ICAM1: variants seen among roughly 807,000 people sequenced by gnomAD.
ICAM1 encodes intercellular adhesion molecule 1.
In ICAM1, 28 loss-of-function variants were observed where a neutral mutation model predicts 42.3. The observed-to-expected ratio is 0.66, with a 90% CI of 0.49 to 0.91. The LOEUF (loss-of-function observed/expected upper bound fraction) is 0.91. ICAM1 is among the 40% of genes least tolerant of loss of function. The pLI is 0.00. For missense variants in ICAM1, 637 were observed against 688.6 expected, an observed-to-expected ratio of 0.93 and a Z score of 0.84; for synonymous variants, 304 against 305.9, an observed-to-expected ratio of 0.99 and a Z score of 0.07.
chr19:10,276,425 G>A (rs957130524), intron 2 of ICAM1, among the ~76,000 whole-genome samples: 90 of 151,012 alleles, frequency 6.0e-4, no homozygotes, highest in Middle Eastern at 3.5e-3. Context: ...GGCGCCTGTG[G>A]TCCCAGCTAC....
At chr19:10,280,686 C>T (rs979261774) in intron 2 of ICAM1, among the ~76,000 whole-genome samples, 1 of 152,022 alleles carries the variant, frequency 6.6e-6, no homozygotes, top group African/African-American at 2.4e-5. Context: ...TCTCTTGCCT[C>T]AGCCACCTGA....
In ICAM1 at chr19:10,275,021, CGT is replaced by C; in HGVS notation, c.327_328del (p.Tyr110LeufsTer58). On this transcript the variant is annotated frameshift_variant, in exon 2 of 7. Transcript: ENST00000264832. LOFTEE classifies it high-confidence loss of function. ...GQSTAKTFLT[V>X]YWTPERVELA... ...AGTCAACAGCTAAAACCTTCCTCAC[CGT>C]GTACTGTGAGTAACTGAGCCCGGAG... is the stretch of plus-strand genomic sequence containing the variant. 4 of 1,613,514 alleles carry C rather than the reference CGT, an allele frequency of 2.5e-6. No homozygotes were observed. The highest frequency in any genetic ancestry group is 3.4e-6 in the Non-Finnish European group (4 of 1,179,994).
rs144924815 is a variant in ICAM1, at chr19:10,284,799, C to G, written c.1197C>G (p.Asp399Glu). Reference sequence around the variant, plus strand: ...TTTTTCCAGATGGCCCCCGACTGGACGAGAGGGATTGTCCGGGAAACTGGA... The same window carrying G: ...TTTTTCCAGATGGCCCCCGACTGGAGGAGAGGGATTGTCCGGGAAACTGGA... ...ELRVLYGPRL[D>E]ERDCPGNWTW... Residue 399 changes from aspartate (D) to glutamate (E), a missense_variant, in exon 6 of 7, where the codon GAC becomes GAG. Asp to Glu is a conservative substitution (Grantham distance 45, BLOSUM62 2). Coordinates refer to ENST00000264832, the MANE Select transcript of ICAM1 (RefSeq NM_000201.3). The surrounding 1 kb of genome is among the most constrained non-coding windows in gnomAD (Gnocchi z 5.4). The G allele has an allele frequency of 6.2e-7, 1 of 1,604,982 alleles. No individual in the cohort carries two copies. Among genetic ancestry groups the G allele is most frequent in the South Asian group, 1.1e-5 (1 of 90,006 alleles).
Position 10,273,263 on chromosome 19 carries a change from C to T in ICAM1, c.68-1502C>T, listed in dbSNP as rs545504750. ...ATCCCAGCACTTTGGGAGGCTGAGG[C>T]GGGCGGATTACCTGAGGTCAGGAGT... is the stretch of plus-strand genomic sequence containing the variant. On this transcript the variant is annotated intron_variant, in intron 1 of 6. Transcript: ENST00000264832. Among the ~76,000 whole-genome samples the T allele has an allele frequency of 3.3e-5, 5 of 152,086 alleles. No individual in the cohort carries two copies. In the East Asian group the frequency reaches 5.8e-4, roughly 18 times the overall value.
chr19:10,284,394 C>G lies in ICAM1; in HGVS notation c.926-9C>G. 1 of 1,612,640 alleles carries G rather than the reference C, an allele frequency of 6.2e-7. No individual in the cohort carries two copies. Reference sequence around the variant, plus strand: ...ACCCGGGGCGGGGCTCACTGTGTGCCTATTCCAGGCTTTCCGGCGCCCAAC... The same window carrying G: ...ACCCGGGGCGGGGCTCACTGTGTGCGTATTCCAGGCTTTCCGGCGCCCAAC... On this transcript the variant is annotated splice_polypyrimidine_tract_variant and intron_variant, in intron 4 of 6. Transcript: ENST00000264832. This position sits in a 1 kb window ranked among gnomAD's most constrained non-coding sequence, Gnocchi z 5.4.
chr19:10,274,594 C>T (rs1357712042), intron 1 of ICAM1, among the ~76,000 whole-genome samples, 171 bp from the exon 2 acceptor site: 1 of 152,188 alleles, frequency 6.6e-6, no homozygotes, highest in Non-Finnish European at 1.5e-5. Flanking sequence ...GGATTACAGG[C>T]GTGAGCCACC....
In ICAM1 at chr19:10,284,400, C is replaced by T. The variant is rs1363048288; in HGVS notation, c.926-3C>T. The T allele has an allele frequency of 6.2e-7, 1 of 1,612,722 alleles. No individual in the cohort carries two copies. The highest frequency in any genetic ancestry group is 1.3e-5 in the African/African-American group (1 of 74,906). On this transcript the variant is annotated splice_region_variant and splice_polypyrimidine_tract_variant and intron_variant, in intron 4 of 6. Transcript: ENST00000264832. The surrounding 1 kb of genome is among the most constrained non-coding windows in gnomAD (Gnocchi z 5.4). ...GGCGGGGCTCACTGTGTGCCTATTC[C>T]AGGCTTTCCGGCGCCCAACGTGATT...
Position 10,283,696 on chromosome 19 carries a change from A to G in ICAM1, c.547A>G (p.Asn183Asp), listed in dbSNP as rs2040079023. The change falls in exon 3 of 7, where the codon AAT (asparagine) becomes GAT (aspartate). Residue 183 changes from asparagine (N) to aspartate (D), a missense_variant. Coordinates refer to ENST00000264832, the MANE Select transcript of ICAM1 (RefSeq NM_000201.3). ...GGTGAGGAGAGATCACCATGGAGCC[A>G]ATTTCTCGTGCCGCACTGAACTGGA... ...VLVRRDHHGANFSCRTELDLR... is the reference protein window; with the variant it reads ...VLVRRDHHGADFSCRTELDLR... The G allele has an allele frequency of 6.2e-7, 1 of 1,613,972 alleles. No homozygotes were observed. The highest frequency in any genetic ancestry group is 1.1e-5 in the South Asian group (1 of 91,044).
rs770635391 is a variant in ICAM1, at chr19:10,271,190, C to G, written c.31C>G (p.Pro11Ala). Residue 11 changes from proline (P) to alanine (A), a missense_variant, in exon 1 of 7, where the codon CCC (proline) becomes GCC (alanine). Physicochemically the swap from Pro to Ala is conservative, Grantham distance 27 (BLOSUM62 -1). Coordinates refer to ENST00000264832, the MANE Select transcript of ICAM1 (RefSeq NM_000201.3). MAPSSPRPALPALLVLLGALF... is the reference protein window; with the variant it reads MAPSSPRPALAALLVLLGALF... Reference sequence around the variant, plus strand: ...TCCCAGCAGCCCCCGGCCCGCGCTGCCCGCACTCCTGGTCCTGCTCGGGGC... The same window carrying G: ...TCCCAGCAGCCCCCGGCCCGCGCTGGCCGCACTCCTGGTCCTGCTCGGGGC... The G allele has an allele frequency of 3.7e-6, 6 of 1,613,390 alleles. No individual in the cohort carries two copies. Among genetic ancestry groups the G allele is most frequent in the South Asian group, 1.1e-5 (1 of 91,020 alleles).
chr19:10,271,491 T>C (rs963280776), intron 1 of ICAM1, among the ~76,000 whole-genome samples: 2 of 151,822 alleles, frequency 1.3e-5, no homozygotes, highest in African/African-American at 4.8e-5. Context: ...CCCAGGCCGG[T>C]CTTGAACTCC....
intron 2 of ICAM1, among the ~76,000 whole-genome samples, chr19:10,282,772 G>A (rs1488196294): frequency 6.6e-6 from 1 of 151,948 alleles, no homozygotes; most frequent in African/African-American, 2.4e-5. Flanking sequence ...CAGCACTTTG[G>A]GAGGCCGGGG....
At chr19:10,273,045 G>A (rs1157830822) in intron 1 of ICAM1, among the ~76,000 whole-genome samples, 1 of 152,094 alleles carries the variant, frequency 6.6e-6, no homozygotes, top group Non-Finnish European at 1.5e-5. Flanking sequence ...CTTCTTAGGA[G>A]GGAGGAGGGC....
rs759316086 is a variant in ICAM1 at position 10,274,767 on chromosome 19, C to G, written c.70C>G (p.Pro24Ala). 2 of 1,612,206 alleles carry G rather than the reference C, an allele frequency of 1.2e-6. No individual in the cohort carries two copies. The highest frequency in any genetic ancestry group is 2.2e-5 in the East Asian group (1 of 44,806). Residue 24 changes from proline (P) to alanine (A), a missense_variant and splice_region_variant, in exon 2 of 7, where the codon CCT becomes GCT. By Grantham distance (27) the Pro-to-Ala change is conservative. Coordinates refer to ENST00000264832, the MANE Select transcript of ICAM1 (RefSeq NM_000201.3). ...LVLLGALFPG[P>A]GNAQTSVSPS... ...GCCTCTTCCCTCGTTTCTTCTAGGA[C>G]CTGGCAATGCCCAGACATCTGTGTC...
rs139290643 is a variant in ICAM1 at position 10,284,584 on chromosome 19, C to T, written c.1107C>T (p.Phe369=). The change falls in exon 5 of 7, where the codon TTC becomes TTT. Residue 369 remains phenylalanine, a synonymous_variant. Coordinates refer to ENST00000264832, the MANE Select transcript of ICAM1 (RefSeq NM_000201.3). This position sits in a 1 kb window ranked among gnomAD's most constrained non-coding sequence, Gnocchi z 5.4. ...CCCCAGAGGACAACGGGCGCAGCTT[C>T]TCCTGCTCTGCAACCCTGGAGGTGG... ...KATPEDNGRS[F]SCSATLEVAG... 6 of 1,614,090 alleles carry T rather than the reference C, an allele frequency of 3.7e-6. No individual in the cohort carries two copies. In the African/African-American group the frequency reaches 8.0e-5, roughly 22 times the overall value.
rs372246948 is a variant in ICAM1, at chr19:10,285,400, C to T, written c.*113C>T. On this transcript the variant is annotated 3_prime_UTR_variant, in exon 7 of 7. Coordinates refer to ENST00000264832, the MANE Select transcript of ICAM1 (RefSeq NM_000201.3). ...GCAGCTACACCTACCGGCCCTGGGA[C>T]GCCGGAGGACAGGGCATTGTCCTCA... 1.5e-5 allele frequency: 15 copies of T among 994,408 alleles called. No individual in the cohort carries two copies. Among genetic ancestry groups the T allele is most frequent in the East Asian group, 7.8e-5 (3 of 38,396 alleles). The allele number at this position is 994,408 out of a possible 1,614,324, so 61.6% of individuals were successfully genotyped here.
In ICAM1 at chr19:10,285,250, C is replaced by G. The variant is rs1452847154; in HGVS notation, c.1562C>G (p.Thr521Ser). ...AGACTACAACAGGCCCAAAAAGGGACCCCCATGAAACCGAACACACAAGCC... is the reference window on the plus strand; with the variant it reads ...AGACTACAACAGGCCCAAAAAGGGAGCCCCATGAAACCGAACACACAAGCC... ...KYRLQQAQKG[T>S]PMKPNTQATP... Residue 521 changes from threonine (T) to serine (S), a missense_variant, in exon 7 of 7, where the codon ACC becomes AGC. Physicochemically the swap from Thr to Ser is moderately conservative, Grantham distance 58. Transcript: ENST00000264832. 2 of 1,614,148 alleles carry G rather than the reference C, an allele frequency of 1.2e-6. No individual in the cohort carries two copies. The highest frequency in any genetic ancestry group is 3.3e-5 in the Admixed American group (2 of 60,012).
At position 10,285,232 on chromosome 19, in the gene ICAM1, A is replaced by T. The variant is rs374275620; in HGVS notation, c.1544A>T (p.Gln515Leu). The T allele has an allele frequency of 3.7e-6, 6 of 1,614,152 alleles. No individual in the cohort carries two copies. The highest frequency in any genetic ancestry group is 5.1e-6 in the Non-Finnish European group (6 of 1,180,014). ...RQRKIKKYRL[Q>L]QAQKGTPMKP... The stretch of plus-strand genomic sequence containing the variant: ...CGGAAGATCAAGAAATACAGACTAC[A>T]ACAGGCCCAAAAAGGGACCCCCATG... The change falls in exon 7 of 7, where the codon CAA (glutamine) becomes CTA (leucine). Residue 515 changes from glutamine (Q) to leucine (L), a missense_variant. Coordinates refer to ENST00000264832, the MANE Select transcript of ICAM1 (RefSeq NM_000201.3).
intron 1 of ICAM1, 103 bp from the exon 2 acceptor site, chr19:10,274,662 T>C: frequency 7.6e-7 from 1 of 1,312,704 alleles, no homozygotes; most frequent in East Asian, 2.4e-5. Flanking sequence ...CAAAGTATTG[T>C]CTTGTTAAGG....
At chr19:10,278,812 G>A (rs1365006076) in intron 2 of ICAM1, among the ~76,000 whole-genome samples, 1 of 152,068 alleles carries the variant, frequency 6.6e-6, no homozygotes, top group Non-Finnish European at 1.5e-5. Context: ...GAAGTGCTGG[G>A]ATTACAGGCT....
Sources: allele counts gnomAD v4.1 joint callset (sites outside exome capture counted in the v4.1 genomes callset), GRCh38; gene constraint gnomAD v4.1.1; non-coding constraint Gnocchi (gnomAD v3.1); transcripts MANE v1.5; gene names NCBI Gene and HGNC (gene_info 2026-07-23, HGNC 2026-07-21).